TMCO4: variants seen among roughly 807,000 people sequenced by gnomAD.
TMCO4 encodes transmembrane and coiled-coil domains 4.
TMCO4 carries 58 observed loss-of-function variants against 64.7 expected under a neutral mutation model. The ratio of observed to expected loss-of-function variants is 0.90; its 90% CI spans 0.73 to 1.12. The LOEUF is 1.12. Among genes scored for constraint, TMCO4 ranks in the 50% most tolerant of loss-of-function variants. The probability of loss-of-function intolerance (pLI) is 0.00; values close to 1 mark genes in which losing one functional copy is unlikely to be tolerated. For synonymous variants in TMCO4, 325 were observed against 346.1 expected (o/e 0.94, Z 0.68); for missense variants, 780 against 825.9 (o/e 0.94, Z 0.68).
intron 13 of TMCO4, among the ~76,000 whole-genome samples, chr1:19,702,012 C>A (rs1015288667): frequency 6.6e-6 from 1 of 152,088 alleles, no homozygotes; most frequent in African/African-American, 2.4e-5. Flanking sequence ...CTCTGTAGCC[C>A]AGGCTGGAGT....
rs1337071944 is a variant in TMCO4, at chr1:19,734,695, T to C, written c.1264+2677A>G. On this transcript the variant is annotated intron_variant, in intron 13 of 15. Transcript: ENST00000294543. The surrounding 1 kb of genome is among the most constrained non-coding windows in gnomAD (Gnocchi z 4.4). ...CGCCTTTGCCCATGCTGGCCGACCC[T>C]CTGGAATGCCCTGCCCTAGTCCAGC... 6.6e-6 allele frequency among the ~76,000 whole-genome samples: 1 copy of C among 152,056 alleles called. No homozygotes were observed. Among genetic ancestry groups the C allele is most frequent in the Non-Finnish European group, 1.5e-5 (1 of 68,010 alleles).
chr1:19,767,417 G>A (rs1336435123), intron 6 of TMCO4, among the ~76,000 whole-genome samples: 1 of 152,166 alleles, frequency 6.6e-6, no homozygotes, highest in Non-Finnish European at 1.5e-5. Flanking sequence ...GTGCCTGGGT[G>A]GGCATGAAGC....
At chr1:19,763,627 T>C (rs1411351263) in intron 6 of TMCO4, among the ~76,000 whole-genome samples, 1 of 152,172 alleles carries the variant, frequency 6.6e-6, no homozygotes, top group African/African-American at 2.4e-5. Context: ...TCTCCCTGGG[T>C]CTGAGGACAC....
chr1:19,721,044 G>A (rs1387935759), intron 13 of TMCO4, among the ~76,000 whole-genome samples: 2 of 152,078 alleles, frequency 1.3e-5, no homozygotes, highest in Non-Finnish European at 2.9e-5. Context: ...TTTCTTCTCC[G>A]GTTGGAATTC....
chr1:19,715,243 T>C (rs2095350322), intron 13 of TMCO4, among the ~76,000 whole-genome samples: 1 of 152,142 alleles, frequency 6.6e-6, no homozygotes, highest in South Asian at 2.1e-4. Context: ...AAACAAATTA[T>C]TTATTTATTC....
intron 9 of TMCO4, 96 bp from the exon 10 acceptor site, chr1:19,745,747 C>T: frequency 6.9e-7 from 1 of 1,456,220 alleles, no homozygotes; most frequent in Non-Finnish European, 9.2e-7. Context: ...ACAGTGAGCA[C>T]CATCTGTGTG....
intron 2 of TMCO4, among the ~76,000 whole-genome samples, chr1:19,788,557 G>GA (rs541087381): frequency 7.9e-4 from 120 of 151,912 alleles, no homozygotes; most frequent in Non-Finnish European, 9.6e-4. Context: ...TTTGAGATCA[G>GA]AAAAAAAATA....
intron 13 of TMCO4, among the ~76,000 whole-genome samples, chr1:19,714,396 A>G (rs940621103): frequency 1.1e-4 from 16 of 152,188 alleles, no homozygotes; most frequent in African/African-American, 3.9e-4. Context: ...TTATTTTCAA[A>G]GTTTAAATTT....
intron 3 of TMCO4, among the ~76,000 whole-genome samples, chr1:19,786,551 A>G (rs1257713848): frequency 6.6e-6 from 1 of 152,208 alleles, no homozygotes; most frequent in Non-Finnish European, 1.5e-5. Flanking sequence ...GGGCTTGGAC[A>G]ATGGGTGGGC....
At chr1:19,745,495 C>G (rs777609644) in intron 10 of TMCO4, 37 bp downstream of exon 10, 17 of 1,613,360 alleles carry the variant, frequency 1.1e-5, no homozygotes, top group Non-Finnish European at 1.4e-5. Flanking sequence ...GCCACCACTG[C>G]CCACCCCCCT....
At chr1:19,777,999 ACT>A (rs1463645698) in intron 4 of TMCO4, among the ~76,000 whole-genome samples, 2 of 152,304 alleles carry the variant, frequency 1.3e-5, no homozygotes, top group East Asian at 3.9e-4. Flanking sequence ...TGTCTGTATC[ACT>A]GTACTCCAGC....
intron 13 of TMCO4, among the ~76,000 whole-genome samples, chr1:19,705,015 G>A (rs550713999): frequency 1.3e-5 from 2 of 152,262 alleles, no homozygotes; most frequent in African/African-American, 2.4e-5. Flanking sequence ...CTGCTGACCT[G>A]GAGATAAGCT....
chr1:19,780,647 T>C lies in TMCO4; in HGVS notation c.112A>G (p.Asn38Asp), dbSNP rs1278517058. 1 of 1,613,962 alleles carries C rather than the reference T, an allele frequency of 6.2e-7. No homozygotes were observed. Among genetic ancestry groups the C allele is most frequent in the Non-Finnish European group, 8.5e-7 (1 of 1,179,936 alleles). ...LPTGRELTEA[N>D]RFAYAALCGI... ...CAGAGGGCAGCATAGGCGAAGCGGT[T>C]GGCCTCAGTCAGCTCCCGGCCCGTG... Residue 38 changes from asparagine to aspartate, a missense_variant, in exon 4 of 16, where the codon AAC becomes GAC. Asn to Asp is a conservative substitution (Grantham distance 23). Coordinates refer to ENST00000294543, the MANE Select transcript of TMCO4 (RefSeq NM_181719.7).
chr1:19,798,072 A>G (rs1389761418), intron 2 of TMCO4, 65 bp downstream of exon 2: 1 of 165,132 alleles, frequency 6.1e-6, no homozygotes, highest in Non-Finnish European at 1.3e-5. Flanking sequence ...GGGTGGTACC[A>G]TGATATCAGG....
At chr1:19,737,196 A>G (rs955342731) in intron 13 of TMCO4, among the ~76,000 whole-genome samples, 176 bp downstream of exon 13, 3 of 152,160 alleles carry the variant, frequency 2.0e-5, no homozygotes, top group African/African-American at 7.2e-5. Context: ...ATATAAAATC[A>G]TTTCCCCAAG....
chr1:19,787,238 C>T (rs987606302), intron 2 of TMCO4, 121 bp from the exon 3 acceptor site: 2 of 152,292 alleles, frequency 1.3e-5, no homozygotes, highest in Non-Finnish European at 2.9e-5. Flanking sequence ...ACTGCACCGT[C>T]GCTCCCCTGG....
At chr1:19,766,469 C>T (rs951094356) in intron 6 of TMCO4, among the ~76,000 whole-genome samples, 4 of 152,152 alleles carry the variant, frequency 2.6e-5, no homozygotes, top group African/African-American at 4.8e-5. Flanking sequence ...AGAGGTTAAG[C>T]GACTTGATCA....
chr1:19,770,349 T>G (rs1437555970), intron 6 of TMCO4, among the ~76,000 whole-genome samples, 193 bp downstream of exon 6: 1 of 152,130 alleles, frequency 6.6e-6, no homozygotes, highest in Non-Finnish European at 1.5e-5. Context: ...TGAAATAAAC[T>G]CTGAGAAGCA....
chr1:19,787,446 T>C (rs2043803694), intron 2 of TMCO4, among the ~76,000 whole-genome samples: 1 of 152,250 alleles, frequency 6.6e-6, no homozygotes, highest in Non-Finnish European at 1.5e-5. Context: ...GCGGGCACCC[T>C]GTCGCCTCCA....
Sources: allele counts gnomAD v4.1 joint callset (sites outside exome capture counted in the v4.1 genomes callset), GRCh38; gene constraint gnomAD v4.1.1; non-coding constraint Gnocchi (gnomAD v3.1); transcripts MANE v1.5; gene names NCBI Gene and HGNC (gene_info 2026-07-23, HGNC 2026-07-21).